LUZP2: variants seen among roughly 807,000 people sequenced by gnomAD.
LUZP2 encodes leucine zipper protein 2.
Under a neutral mutation model 51.6 loss-of-function variants are expected in LUZP2, and 52 were observed. The ratio of observed to expected loss-of-function variants is 1.01; its 90% CI spans 0.81 to 1.27. The LOEUF is 1.27. Among genes scored for constraint, LUZP2 ranks in the 50% most tolerant of loss-of-function variants. The pLI is 0.00. For synonymous variants in LUZP2, 154 were observed against 137.3 expected, an observed-to-expected ratio of 1.12 and a Z score of -0.85; for missense variants, 436 against 395.4, an observed-to-expected ratio of 1.10 and a Z score of -0.87.
intron 1 of LUZP2, among the ~76,000 whole-genome samples, chr11:24,562,621 A>G (rs1243519428): frequency 5.9e-5 from 9 of 151,594 alleles, no homozygotes; most frequent in African/African-American, 2.2e-4. Context: ...TGGGAGGCTG[A>G]GGCGAGCAGA....
intron 1 of LUZP2, among the ~76,000 whole-genome samples, chr11:24,504,653 G>T (rs1335652379): frequency 6.6e-6 from 1 of 152,034 alleles, no homozygotes; most frequent in African/African-American, 2.4e-5. Context: ...TAGATATGAT[G>T]ATTTAATATG....
intron 10 of LUZP2, among the ~76,000 whole-genome samples, chr11:25,050,906 G>A (rs556692983): frequency 6.6e-6 from 1 of 152,286 alleles, no homozygotes; most frequent in East Asian, 1.9e-4. Flanking sequence ...TTTGTTCAAT[G>A]AGTCTTTTCA....
chr11:24,845,871 T>G (rs1339844057), intron 5 of LUZP2, among the ~76,000 whole-genome samples: 1 of 152,030 alleles, frequency 6.6e-6, no homozygotes, highest in Non-Finnish European at 1.5e-5. Flanking sequence ...TTCTTCCCAG[T>G]CTCAGGTATG....
At chr11:24,920,603 C>G (rs892230118) in intron 7 of LUZP2, among the ~76,000 whole-genome samples, 8 of 151,620 alleles carry the variant, frequency 5.3e-5, no homozygotes, top group African/African-American at 1.9e-4. Flanking sequence ...TGCTATTCAA[C>G]TATAAAAAAT....
chr11:24,805,945 T>C (rs1321980109), intron 5 of LUZP2, among the ~76,000 whole-genome samples: 1 of 152,180 alleles, frequency 6.6e-6, no homozygotes, highest in Non-Finnish European at 1.5e-5. Flanking sequence ...CACATTTCTG[T>C]CCTGCAACAA....
At chr11:24,908,791 T>C (rs1853539512) in intron 6 of LUZP2, among the ~76,000 whole-genome samples, 1 of 150,614 alleles carries the variant, frequency 6.6e-6, no homozygotes, top group African/African-American at 2.4e-5. Context: ...AGTCTCCCTC[T>C]GTTGCCCAGG....
chr11:24,534,668 C>T (rs1851115821), intron 1 of LUZP2, among the ~76,000 whole-genome samples: 1 of 151,002 alleles, frequency 6.6e-6, no homozygotes, highest in East Asian at 1.9e-4. Context: ...ATAGAGATTC[C>T]ACCTATAAAT....
chr11:24,535,105 G>A (rs906425858), intron 1 of LUZP2, among the ~76,000 whole-genome samples: 2 of 148,122 alleles, frequency 1.4e-5, no homozygotes, highest in African/African-American at 4.9e-5. Flanking sequence ...TGTCTAAAAT[G>A]TCTAGGGTTA....
chr11:24,607,911 C>A (rs573210688), intron 1 of LUZP2, among the ~76,000 whole-genome samples: 1 of 151,400 alleles, frequency 6.6e-6, no homozygotes, highest in Admixed American at 6.6e-5. Flanking sequence ...TGCAGTGGCG[C>A]GATCTAGGCT....
chr11:24,962,151 C>A (rs1056296193), intron 7 of LUZP2, among the ~76,000 whole-genome samples: 2 of 152,034 alleles, frequency 1.3e-5, no homozygotes, highest in Non-Finnish European at 2.9e-5. Flanking sequence ...TTGTGGGTAA[C>A]CCAACCTTTC....
At chr11:24,507,388 A>T (rs1431041759) in intron 1 of LUZP2, among the ~76,000 whole-genome samples, 1 of 152,082 alleles carries the variant, frequency 6.6e-6, no homozygotes, top group Non-Finnish European at 1.5e-5. Context: ...ACACCTTTAC[A>T]CATGTGTATA....
chr11:25,014,927 A>G (rs1338689147), intron 9 of LUZP2, among the ~76,000 whole-genome samples: 3 of 152,112 alleles, frequency 2.0e-5, no homozygotes, highest in Admixed American at 1.3e-4. Context: ...TAATTTTTGT[A>G]TAAGGTGTAA....
At chr11:24,736,136 G>A (rs1858927136) in intron 3 of LUZP2, among the ~76,000 whole-genome samples, 1 of 151,776 alleles carries the variant, frequency 6.6e-6, no homozygotes, top group Non-Finnish European at 1.5e-5. Flanking sequence ...TCCCTAGATT[G>A]CCTCTAGATG....
At chr11:24,882,448 T>C (rs1852502705) in intron 5 of LUZP2, among the ~76,000 whole-genome samples, 1 of 151,992 alleles carries the variant, frequency 6.6e-6, no homozygotes, top group South Asian at 2.1e-4. Flanking sequence ...TGAAACGTCG[T>C]TATCACCCCC....
intron 1 of LUZP2, among the ~76,000 whole-genome samples, chr11:24,615,191 A>G (rs2133894177): frequency 6.6e-6 from 1 of 152,066 alleles, no homozygotes; most frequent in South Asian, 2.1e-4. Context: ...TCTAATAATG[A>G]CATTTCATAA....
At chr11:24,543,823 C>CAAAAAAA (rs71041774) in intron 1 of LUZP2, among the ~76,000 whole-genome samples, 2,447 of 75,562 alleles carry the variant, frequency 0.032, 463 homozygotes, top group African/African-American at 0.11. Context: ...CTCTGTCTCA[C>CAAAAAAA]AAAAAAAAAA....
intron 1 of LUZP2, among the ~76,000 whole-genome samples, chr11:24,651,619 A>G (rs1855626118): frequency 6.6e-6 from 1 of 152,146 alleles, no homozygotes; most frequent in Non-Finnish European, 1.5e-5. Context: ...GTCATATAGT[A>G]TTTGTGAAGA....
At chr11:24,636,935 T>G (rs1340211770) in intron 1 of LUZP2, among the ~76,000 whole-genome samples, 1 of 151,676 alleles carries the variant, frequency 6.6e-6, no homozygotes, top group East Asian at 1.9e-4. Context: ...AAAAGATGCT[T>G]CAATTGAATT....
At chr11:24,882,355 T>C (rs1468902836) in intron 5 of LUZP2, among the ~76,000 whole-genome samples, 1 of 147,242 alleles carries the variant, frequency 6.8e-6, no homozygotes, top group African/African-American at 2.7e-5. Context: ...TCTGATATGC[T>C]CCTTTCTCTC....
Sources: gnomAD v4.1 joint callset for allele counts (sites outside exome capture counted in the v4.1 genomes callset) on GRCh38, gnomAD v4.1.1 for gene constraint, MANE v1.5 for transcripts, NCBI Gene and HGNC (gene_info 2026-07-23, HGNC 2026-07-21) for gene names.